CDH13: variants seen among roughly 807,000 people sequenced by gnomAD.
CDH13 encodes cadherin 13, also known as cadherin-13.
Under a neutral mutation model 63.8 loss-of-function variants are expected in CDH13, and 24 were observed. That is an observed-to-expected ratio of 0.38 (90% CI 0.27 to 0.53). The LOEUF (loss-of-function observed/expected upper bound fraction) is 0.53. Ranked by LOEUF, CDH13 falls within the 20% of genes least tolerant of loss-of-function variation. The pLI, the probability that CDH13 is intolerant of heterozygous loss-of-function variation, is 0.85. For synonymous variants in CDH13, 503 were observed against 355.3 expected (o/e 1.42, Z -4.67); for missense variants, 1,049 against 903.1 (o/e 1.16, Z -2.07).
chr16:83,450,995 T>C (rs190834401), intron 6 of CDH13, among the ~76,000 whole-genome samples: 325 of 152,322 alleles, frequency 2.1e-3, no homozygotes, highest in African/African-American at 7.6e-3. Flanking sequence ...CCCCCAGAGT[T>C]ACCAATTCCA....
intron 3 of CDH13, among the ~76,000 whole-genome samples, chr16:83,058,803 G>A (rs1361727718): frequency 6.6e-6 from 1 of 152,172 alleles, no homozygotes; most frequent in African/African-American, 2.4e-5. Flanking sequence ...AAGAATTACT[G>A]CTGACACACG....
At chr16:83,055,388 AAAAAAG>A (rs148486669) in intron 3 of CDH13, among the ~76,000 whole-genome samples, 15,855 of 151,824 alleles carry the variant, frequency 0.1, 1,202 homozygotes, top group East Asian at 0.26. Context: ...ATTAAGAAAA[AAAAAAG>A]AAAAGACACT....
In CDH13 at chr16:82,650,537, A is replaced by G. The variant is rs867511960; in HGVS notation, c.45+23400A>G. On this transcript the variant is annotated intron_variant, in intron 1 of 13. Transcript: ENST00000567109. Reference sequence around the variant, plus strand: ...CAACCACTTAGGCTTTCTGAGTGCAACCCCTACCCTATTCTATTTGGGCTC... The same window carrying G: ...CAACCACTTAGGCTTTCTGAGTGCAGCCCCTACCCTATTCTATTTGGGCTC... Among the ~76,000 whole-genome samples the G allele has an allele frequency of 1.3e-4, 20 of 152,214 alleles. 1 individual carries two copies. The highest frequency in any genetic ancestry group is 6.8e-3 in the Middle Eastern group (2 of 294).
chr16:82,998,227 A>G (rs551582694), intron 2 of CDH13, among the ~76,000 whole-genome samples: 2 of 152,252 alleles, frequency 1.3e-5, no homozygotes, highest in African/African-American at 2.4e-5. Flanking sequence ...TAGAATAACT[A>G]TTTTCTAAAA....
intron 1 of CDH13, among the ~76,000 whole-genome samples, chr16:82,658,855 T>G (rs1356286433): frequency 1.3e-5 from 2 of 152,184 alleles, no homozygotes; most frequent in Non-Finnish European, 2.9e-5. Flanking sequence ...TTTGTGGGTA[T>G]GTATGGAAGA....
At chr16:83,154,973 C>G (rs138247746) in intron 4 of CDH13, among the ~76,000 whole-genome samples, 347 of 152,250 alleles carry the variant, frequency 2.3e-3, no homozygotes, top group African/African-American at 8.0e-3. Context: ...GGGAAAAAAT[C>G]CCCTCTGAAA....
chr16:82,756,030 G>A (rs992742023), intron 1 of CDH13, among the ~76,000 whole-genome samples: 1 of 152,182 alleles, frequency 6.6e-6, no homozygotes, highest in African/African-American at 2.4e-5. Flanking sequence ...TAGGGGCTGG[G>A]AAGCAATAAA....
At chr16:83,763,737 T>C (rs561188294) in intron 11 of CDH13, among the ~76,000 whole-genome samples, 1 of 151,992 alleles carries the variant, frequency 6.6e-6, no homozygotes, top group South Asian at 2.1e-4. Context: ...GACCCAGCCA[T>C]CATTCCGCCT....
At chr16:83,368,883 GTTATATATATATAT>G (rs1457724930) in intron 6 of CDH13, among the ~76,000 whole-genome samples, 26 of 25,338 alleles carry the variant, frequency 1.0e-3, no homozygotes, top group African/African-American at 2.4e-3. Context: ...AGTATTCCAT[GTTATATATATATAT>G]ATATATATAT....
At chr16:83,705,836 C>G (rs1400469227) in intron 10 of CDH13, among the ~76,000 whole-genome samples, 2 of 152,168 alleles carry the variant, frequency 1.3e-5, no homozygotes, top group African/African-American at 4.8e-5. Context: ...AGGGTTCCTT[C>G]AAGCACCAAC....
At chr16:83,319,327 G>A (rs10514582) in intron 5 of CDH13, among the ~76,000 whole-genome samples, 10,326 of 152,054 alleles carry the variant, frequency 0.068, 490 homozygotes, top group Non-Finnish European at 0.1. Flanking sequence ...TTTATTCCTC[G>A]GTGTTTCTCT....
chr16:82,885,519 T>C (rs981600498), intron 2 of CDH13, among the ~76,000 whole-genome samples: 7 of 145,102 alleles, frequency 4.8e-5, no homozygotes, highest in African/African-American at 1.8e-4. Flanking sequence ...ATCTATCCAT[T>C]CATCCATCCA....
chr16:83,301,574 G>A (rs2089746551), intron 5 of CDH13, among the ~76,000 whole-genome samples: 1 of 152,064 alleles, frequency 6.6e-6, no homozygotes, highest in Non-Finnish European at 1.5e-5. Flanking sequence ...AAGCAAGGTC[G>A]GACCGACAGA....
intron 4 of CDH13, among the ~76,000 whole-genome samples, chr16:83,201,772 C>A (rs894091086): frequency 6.6e-6 from 1 of 151,574 alleles, no homozygotes; most frequent in South Asian, 2.1e-4. Flanking sequence ...AAAAAATTAG[C>A]CGGGCGTGGT....
chr16:82,899,389 G>A (rs1027088697), intron 2 of CDH13, among the ~76,000 whole-genome samples: 6 of 152,170 alleles, frequency 3.9e-5, no homozygotes, highest in African/African-American at 1.2e-4. Context: ...TTACGCAAAA[G>A]CCATGTTTTA....
intron 5 of CDH13, among the ~76,000 whole-genome samples, chr16:83,245,764 G>A (rs1904926860): frequency 6.6e-6 from 1 of 151,770 alleles, no homozygotes; most frequent in African/African-American, 2.4e-5. Flanking sequence ...TTTTCCTGAG[G>A]CAGGGTCTCA....
At chr16:82,798,214 G>A (rs1230300720) in intron 1 of CDH13, among the ~76,000 whole-genome samples, 2 of 152,206 alleles carry the variant, frequency 1.3e-5, no homozygotes, top group African/African-American at 4.8e-5. Context: ...ACCGCTTGCA[G>A]TGGATATCAT....
At chr16:83,479,591 A>G (rs2073704966) in intron 6 of CDH13, among the ~76,000 whole-genome samples, 1 of 152,094 alleles carries the variant, frequency 6.6e-6, no homozygotes, top group African/African-American at 2.4e-5. Flanking sequence ...CGGGAGGCGG[A>G]GCTTGCAGTG....
chr16:83,146,807 GC>G (rs1311819588), intron 4 of CDH13, among the ~76,000 whole-genome samples: 2 of 152,222 alleles, frequency 1.3e-5, no homozygotes, highest in African/African-American at 4.8e-5. Flanking sequence ...CAGGGATGGG[GC>G]CAAGCATGGT....
Sources: allele counts gnomAD v4.1 joint callset (sites outside exome capture counted in the v4.1 genomes callset), GRCh38; gene constraint gnomAD v4.1.1; transcripts MANE v1.5; gene names NCBI Gene and HGNC (gene_info 2026-07-23, HGNC 2026-07-21).